EVI5L: variants seen among roughly 807,000 people sequenced by gnomAD.
EVI5L encodes EVI5-like protein.
EVI5L carries 30 observed loss-of-function variants against 106.1 expected under a neutral mutation model. The observed-to-expected ratio is 0.28, with a 90% CI of 0.21 to 0.38. The LOEUF is 0.38. EVI5L is among the 10% of genes least tolerant of loss of function. The pLI is 1.00. For missense variants in EVI5L, 809 were observed against 1,098.0 expected (o/e 0.74, Z 3.72); for synonymous variants, 489 against 483.3 (o/e 1.01, Z -0.15).
At chr19:7,861,322 C>G (rs1979791280) in intron 14 of EVI5L, among the ~76,000 whole-genome samples, 1 of 152,240 alleles carries the variant, frequency 6.6e-6, no homozygotes, top group African/African-American at 2.4e-5. Flanking sequence ...AAGTGTGCCT[C>G]CAGGACATGC....
chr19:7,844,963 G>T (rs1332596434), intron 1 of EVI5L, among the ~76,000 whole-genome samples: 4 of 152,162 alleles, frequency 2.6e-5, no homozygotes, highest in African/African-American at 9.7e-5. Flanking sequence ...GGTTGGTTGG[G>T]GGCTGAGTTT....
chr19:7,838,884 G>T (rs1362861438), intron 1 of EVI5L, among the ~76,000 whole-genome samples: 4 of 152,024 alleles, frequency 2.6e-5, no homozygotes, highest in African/African-American at 9.7e-5. Flanking sequence ...AGCACTTTGA[G>T]GAGCCGAGGC....
chr19:7,857,132 A>T lies in EVI5L; in HGVS notation c.1233+8A>T, dbSNP rs1599576627. 6.4e-7 allele frequency: 1 copy of T among 1,551,636 alleles called. No homozygotes were observed. The highest frequency in any genetic ancestry group is 1.2e-5 in the South Asian group (1 of 84,060). On this transcript the variant is annotated splice_region_variant and intron_variant, in intron 12 of 19. Coordinates refer to ENST00000538904, the MANE Select transcript of EVI5L (RefSeq NM_001159944.3). This position sits in a 1 kb window ranked among gnomAD's most constrained non-coding sequence, Gnocchi z 4.5. The stretch of plus-strand genomic sequence containing the variant: ...GCTGATAGGTTAATCCAGGTACTGT[A>T]GCTTTTTATCCCCTCTCCGGATTCC...
At position 7,863,145 on chromosome 19, in the gene EVI5L, AGCATGGCACTGGCCCC is replaced by A; in HGVS notation, c.2044-37_2044-22del. On this transcript the variant is annotated intron_variant, in intron 18 of 19. Coordinates refer to ENST00000538904, the MANE Select transcript of EVI5L (RefSeq NM_001159944.3). This position sits in a 1 kb window ranked among gnomAD's most constrained non-coding sequence, Gnocchi z 7.7. ...AGGAGCGGGGCCGGACCCCAGGCCC[AGCATGGCACTGGCCCC>A]GCGTGACCTGGCGCACCCCGCAGAG... The A allele has an allele frequency of 6.5e-7, 1 of 1,542,722 alleles. No homozygotes were observed. Among genetic ancestry groups the A allele is most frequent in the Non-Finnish European group, 8.7e-7 (1 of 1,143,758 alleles).
intron 8 of EVI5L, among the ~76,000 whole-genome samples, chr19:7,852,276 C>T (rs769138378): frequency 1.3e-4 from 20 of 152,248 alleles, no homozygotes; most frequent in Admixed American, 5.9e-4. Context: ...GCCCCCTCCC[C>T]GCGTCCTCCA....
rs750017504 is a variant in EVI5L, at chr19:7,851,590, G to A, written c.897+13G>A. The A allele has an allele frequency of 2.7e-5, 44 of 1,604,322 alleles. No homozygotes were observed. Among genetic ancestry groups the A allele is most frequent in the Admixed American group, 1.9e-4 (11 of 58,438 alleles). ...CTTCATGTATGAGGTGAGGACCGAT[G>A]GTGCCTGGGGAGGGAAGAGAGCCCC... is the stretch of plus-strand genomic sequence containing the variant. On this transcript the variant is annotated intron_variant, in intron 7 of 19. Transcript: ENST00000538904.
At chr19:7,843,233 C>T (rs1293964236) in intron 1 of EVI5L, among the ~76,000 whole-genome samples, 51 of 78,766 alleles carry the variant, frequency 6.5e-4, no homozygotes, top group African/African-American at 1.0e-3. Flanking sequence ...GGGTGTGTGT[C>T]GAGTGTGTGC....
intron 6 of EVI5L, 73 bp from the exon 7 acceptor site, chr19:7,851,361 A>T (rs1266891055): frequency 6.5e-7 from 1 of 1,533,736 alleles, no homozygotes; most frequent in African/African-American, 1.4e-5. Flanking sequence ...GGAGGCGGGG[A>T]CACTGAGGCC....
chr19:7,858,400 T>C lies in EVI5L; in HGVS notation c.1374+69T>C, dbSNP rs1285597916. ...CGCCCCCGCCCCCGCCCAACGGTTT[T>C]CTTTCAGGGCTCATAATCTGCCCCG... is the stretch of plus-strand genomic sequence containing the variant. On this transcript the variant is annotated intron_variant, in intron 13 of 19. Coordinates refer to ENST00000538904, the MANE Select transcript of EVI5L (RefSeq NM_001159944.3). The surrounding 1 kb of genome is among the most constrained non-coding windows in gnomAD (Gnocchi z 5.7). 7 of 1,484,298 alleles carry C rather than the reference T, an allele frequency of 4.7e-6. No homozygotes were observed. Among genetic ancestry groups the C allele is most frequent in the Non-Finnish European group, 6.2e-6 (7 of 1,121,492 alleles). The allele number at this position is 1,484,298 out of a possible 1,614,324, so 91.9% of individuals were successfully genotyped here.
intron 1 of EVI5L, among the ~76,000 whole-genome samples, chr19:7,839,002 GAA>G (rs113476042): frequency 5.1e-5 from 7 of 137,888 alleles, no homozygotes; most frequent in Admixed American, 1.4e-4. Context: ...TCTCTAAAAA[GAA>G]AAAAAAAAAA....
At position 7,863,160 on chromosome 19, in the gene EVI5L, C is replaced by G; in HGVS notation, c.2044-25C>G. ...CCCCAGGCCCAGCATGGCACTGGCC[C>G]CGCGTGACCTGGCGCACCCCGCAGA... On this transcript the variant is annotated intron_variant, in intron 18 of 19. Transcript: ENST00000538904. This position sits in a 1 kb window ranked among gnomAD's most constrained non-coding sequence, Gnocchi z 7.7. 6.5e-7 allele frequency: 1 copy of G among 1,548,374 alleles called. No homozygotes were observed. Among genetic ancestry groups the G allele is most frequent in the Non-Finnish European group, 8.7e-7 (1 of 1,146,358 alleles).
In EVI5L at chr19:7,856,033, C is replaced by T; in HGVS notation, c.1165C>T (p.Arg389Trp). Residue 389 changes from arginine (R) to tryptophan (W), a missense_variant, in exon 11 of 20, where the codon CGG (arginine) becomes TGG (tryptophan). Transcript: ENST00000538904. This position sits in a 1 kb window ranked among gnomAD's most constrained non-coding sequence, Gnocchi z 6.6. ...CCCATAGAGACTTCGGACGGAGAACCGGCTCCTGAAACAGCGGATTGAAAC... is the reference window on the plus strand; with the variant it reads ...CCCATAGAGACTTCGGACGGAGAACTGGCTCCTGAAACAGCGGATTGAAAC... ...IEIKRLRTEN[R>W]LLKQRIETLE... 7 of 1,328,564 alleles carry T rather than the reference C, an allele frequency of 5.3e-6. No homozygotes were observed. The highest frequency in any genetic ancestry group is 3.0e-5 in the Admixed American group (1 of 32,840). The allele number at this position is 1,328,564 out of a possible 1,614,324, so 82.3% of individuals were successfully genotyped here. A position where few individuals can be genotyped will look rare whatever the true frequency, so the allele number is the denominator to read the frequency against.
chr19:7,864,342 G>C lies in EVI5L; in HGVS notation c.*640G>C, dbSNP rs919273343. 10 of 152,648 alleles carry C rather than the reference G, an allele frequency of 6.6e-5. No individual in the cohort carries two copies. The highest frequency in any genetic ancestry group is 2.4e-4 in the African/African-American group (10 of 41,548). The allele number at this position is 152,648 out of a possible 1,614,324, so 9.5% of individuals were successfully genotyped here. On this transcript the variant is annotated 3_prime_UTR_variant, in exon 20 of 20. Coordinates refer to ENST00000538904, the MANE Select transcript of EVI5L (RefSeq NM_001159944.3). This position sits in a 1 kb window ranked among gnomAD's most constrained non-coding sequence, Gnocchi z 4.5. ...TATGTGCGGGGCGCCTGGGGACTGA[G>C]TGGCTAACGGGAAGCCTCCCTGCTT... is the stretch of plus-strand genomic sequence containing the variant.
chr19:7,847,248 C>T (rs954504323), intron 2 of EVI5L, among the ~76,000 whole-genome samples: 9 of 152,000 alleles, frequency 5.9e-5, no homozygotes, highest in African/African-American at 9.7e-5. Flanking sequence ...GCCAAGATCA[C>T]GCCACTGCAC....
rs547948352 is a variant in EVI5L at position 7,849,466 on chromosome 19, C to T, written c.627+136C>T. 1.1e-5 allele frequency: 11 copies of T among 960,690 alleles called. No homozygotes were observed. The East Asian group carries it at 2.3e-4, about 21-fold the overall frequency. The allele number at this position is 960,690 out of a possible 1,614,324, so 59.5% of individuals were successfully genotyped here. On this transcript the variant is annotated intron_variant, in intron 5 of 19. Transcript: ENST00000538904. ...GTAGATCCTCCTTCTCCATCCACACCCGTGACCTCTGCCAATCGCCAGGCC... is the reference window on the plus strand; with the variant it reads ...GTAGATCCTCCTTCTCCATCCACACTCGTGACCTCTGCCAATCGCCAGGCC...
At chr19:7,862,914 C>G in intron 17 of EVI5L, 58 bp from the exon 18 acceptor site, 1 of 1,296,292 alleles carries the variant, frequency 7.7e-7, no homozygotes, top group Non-Finnish European at 1.1e-6. Flanking sequence ...CGGTCCCGCC[C>G]CCTGATGCGC....
In EVI5L at chr19:7,856,012, T is replaced by C. The variant is rs1405910642; in HGVS notation, c.1147-3T>C. On this transcript the variant is annotated splice_polypyrimidine_tract_variant and splice_region_variant and intron_variant, in intron 10 of 19. Transcript: ENST00000538904. This position sits in a 1 kb window ranked among gnomAD's most constrained non-coding sequence, Gnocchi z 6.6. Reference sequence around the variant, plus strand: ...ATGACGTGATCTCCCCCCACCCCCATAGAGACTTCGGACGGAGAACCGGCT... The same window carrying C: ...ATGACGTGATCTCCCCCCACCCCCACAGAGACTTCGGACGGAGAACCGGCT... 1.5e-6 allele frequency: 2 copies of C among 1,327,442 alleles called. No individual in the cohort carries two copies. Among genetic ancestry groups the C allele is most frequent in the Non-Finnish European group, 1.9e-6 (2 of 1,029,036 alleles). 82.2% of individuals were successfully genotyped at this position (1,327,442 alleles called of 1,614,324 possible). A position where few individuals can be genotyped will look rare whatever the true frequency, so the allele number is the denominator to read the frequency against.
intron 1 of EVI5L, among the ~76,000 whole-genome samples, chr19:7,837,003 G>C (rs1456205048): frequency 1.3e-5 from 2 of 151,806 alleles, no homozygotes; most frequent in Admixed American, 6.6e-5. Context: ...TTCAAGACCA[G>C]CCTGGGCAGC....
Position 7,863,991 on chromosome 19 carries a change from A to C in EVI5L, c.*289A>C. 5 of 390,128 alleles carry C rather than the reference A, an allele frequency of 1.3e-5. No homozygotes were observed. Among genetic ancestry groups the C allele is most frequent in the East Asian group, 4.3e-5 (1 of 23,402 alleles). The allele number at this position is 390,128 out of a possible 1,614,324, so 24.2% of individuals were successfully genotyped here. On this transcript the variant is annotated 3_prime_UTR_variant, in exon 20 of 20. Coordinates refer to ENST00000538904, the MANE Select transcript of EVI5L (RefSeq NM_001159944.3). This position sits in a 1 kb window ranked among gnomAD's most constrained non-coding sequence, Gnocchi z 7.7. The stretch of plus-strand genomic sequence containing the variant: ...CCTGGAGGGGCTGACTGCTCTCTTA[A>C]CAGGAGGGCAGAGGGCAGGGGACAG...
Sources: gnomAD v4.1 joint callset for allele counts (sites outside exome capture counted in the v4.1 genomes callset) on GRCh38, gnomAD v4.1.1 for gene constraint, Gnocchi (gnomAD v3.1) non-coding constraint, MANE v1.5 for transcripts, NCBI Gene and HGNC (gene_info 2026-07-23, HGNC 2026-07-21) for gene names.